Variants in HIGD1C observed in about 807,000 individuals in gnomAD.
HIGD1C encodes the protein HIG1 domain family member 1C.
HIGD1C carries 11 observed loss-of-function variants against 13.1 expected under a neutral mutation model. The observed-to-expected ratio is 0.84, with a 90% CI of 0.53 to 1.39. The LOEUF is 1.39. Ranked by LOEUF, HIGD1C falls within the 40% of genes most tolerant of loss-of-function variation. HIGD1C has a pLI of 0.00. For missense variants in HIGD1C, 110 were observed against 112.0 expected (o/e 0.98, Z 0.08); for synonymous variants, 36 against 37.7 (o/e 0.95, Z 0.17).
the HIGD1C span, among the ~76,000 whole-genome samples, chr12:50,948,876 GA>G: frequency 3.2e-4 from 5 of 15,692 alleles, no homozygotes; most frequent in African/African-American, 3.6e-4. Context: ...GGGGGGAGGG[GA>G]GGGGGAGGGG....
the HIGD1C span, among the ~76,000 whole-genome samples, chr12:50,933,894 A>ATCCAGTCAGATCATGCC: frequency 6.6e-6 from 1 of 152,204 alleles, no homozygotes; most frequent in Admixed American, 6.5e-5. Flanking sequence ...CCATGGCAGG[A>ATCCAGTCAGATCATGCC]TCCAGTCAGA....
At chr12:50,966,900 G>A (rs1939560839) in intron 2 of HIGD1C, among the ~76,000 whole-genome samples, 1 of 152,116 alleles carries the variant, frequency 6.6e-6, no homozygotes, top group African/African-American at 2.4e-5. Context: ...TAGATCATTT[G>A]AGGTCAGGAG....
downstream of HIGD1C, among the ~76,000 whole-genome samples, chr12:50,971,172 G>A (rs148192911): frequency 9.3e-3 from 1,392 of 149,914 alleles, 13 homozygotes; most frequent in Non-Finnish European, 0.014. Context: ...GAGCCACGGC[G>A]CCGAGCCACA....
At chr12:50,944,698 C>T in the HIGD1C span, among the ~76,000 whole-genome samples, 3 of 152,228 alleles carry the variant, frequency 2.0e-5, no homozygotes, top group Admixed American at 2.0e-4. Context: ...ACCAGCCTGG[C>T]CAACATGGTG....
intron 1 of HIGD1C, among the ~76,000 whole-genome samples, chr12:50,957,018 T>C (rs1008474775): frequency 3.9e-5 from 6 of 152,020 alleles, no homozygotes; most frequent in Non-Finnish European, 1.5e-5. Context: ...TTTATGTCTG[T>C]AGCACATTAG....
At chr12:50,946,722 C>A in the HIGD1C span, among the ~76,000 whole-genome samples, 1 of 152,106 alleles carries the variant, frequency 6.6e-6, no homozygotes, top group Non-Finnish European at 1.5e-5. Context: ...CCAGCCATCC[C>A]ATTACTGGGT....
chr12:50,944,765 C>G, the HIGD1C span, among the ~76,000 whole-genome samples: 1 of 152,144 alleles, frequency 6.6e-6, no homozygotes, highest in South Asian at 2.1e-4. Flanking sequence ...CGCACACCTG[C>G]AGTCCCAGCT....
intron 2 of HIGD1C, among the ~76,000 whole-genome samples, chr12:50,969,629 G>A (rs1411623240): frequency 6.6e-6 from 1 of 151,884 alleles, no homozygotes; most frequent in African/African-American, 2.4e-5. Context: ...AACCTGGGAA[G>A]CGGAGGTTGC....
chr12:50,944,933 T>C, the HIGD1C span, among the ~76,000 whole-genome samples: 1 of 152,186 alleles, frequency 6.6e-6, no homozygotes, highest in Admixed American at 6.5e-5. Flanking sequence ...TGGTTCAACA[T>C]ACACAAATCA....
chr12:50,945,032 A>G, the HIGD1C span, among the ~76,000 whole-genome samples: 1 of 152,186 alleles, frequency 6.6e-6, no homozygotes, highest in Non-Finnish European at 1.5e-5. Context: ...GACAAAATTC[A>G]ACAGCCCATC....
the HIGD1C span, among the ~76,000 whole-genome samples, chr12:50,943,001 G>T: frequency 3.3e-5 from 5 of 150,596 alleles, no homozygotes; most frequent in African/African-American, 1.2e-4. Flanking sequence ...AAGTAGCTGG[G>T]ATTACAGGTG....
intron 2 of HIGD1C, among the ~76,000 whole-genome samples, chr12:50,969,536 C>G (rs1287441021): frequency 6.6e-6 from 1 of 151,810 alleles, no homozygotes; most frequent in Non-Finnish European, 1.5e-5. Flanking sequence ...GCTGTCTGTA[C>G]TAAAAATACA....
chr12:50,949,836 T>C (rs1310261298), upstream of HIGD1C, among the ~76,000 whole-genome samples: 4 of 152,214 alleles, frequency 2.6e-5, no homozygotes, highest in East Asian at 7.7e-4. Flanking sequence ...CAACATAGCC[T>C]AGGTAGCAGA....
the HIGD1C span, among the ~76,000 whole-genome samples, chr12:50,933,946 T>C: frequency 6.6e-6 from 1 of 152,178 alleles, no homozygotes; most frequent in Non-Finnish European, 1.5e-5. Flanking sequence ...TCCAATCAGA[T>C]CATGCCTCAT....
At chr12:50,955,500 A>G (rs1420806425) in intron 1 of HIGD1C, among the ~76,000 whole-genome samples, 3 of 152,176 alleles carry the variant, frequency 2.0e-5, no homozygotes. Flanking sequence ...TTTTGTCTGG[A>G]AACTATTAAA....
upstream of HIGD1C, among the ~76,000 whole-genome samples, chr12:50,951,663 A>G (rs1938899299): frequency 6.6e-6 from 1 of 152,110 alleles, no homozygotes; most frequent in Non-Finnish European, 1.5e-5. Flanking sequence ...TCACACCTGT[A>G]ATTTCAGCAC....
chr12:50,960,914 A>G, intron 1 of HIGD1C, 54 bp from the exon 4 acceptor site: 1 of 1,353,260 alleles, frequency 7.4e-7, no homozygotes, highest in Non-Finnish European at 9.9e-7. Flanking sequence ...TCCTGGTCTC[A>G]CACGATGCTC....
At chr12:50,969,192 G>T (rs951080433) in intron 2 of HIGD1C, among the ~76,000 whole-genome samples, 2 of 152,092 alleles carry the variant, frequency 1.3e-5, no homozygotes, top group Non-Finnish European at 2.9e-5. Flanking sequence ...TACTAGGGGG[G>T]CTGAGACAGG....
At chr12:50,945,823 TCAAAC>T in the HIGD1C span, among the ~76,000 whole-genome samples, 1 of 152,102 alleles carries the variant, frequency 6.6e-6, no homozygotes, top group Non-Finnish European at 1.5e-5. Flanking sequence ...CTACCTGACT[TCAAAC>T]TATACTACAA....
Sources: gnomAD v4.1 joint callset for allele counts (sites outside exome capture counted in the v4.1 genomes callset) on GRCh38, gnomAD v4.1.1 for gene constraint, MANE v1.5 for transcripts, NCBI Gene and HGNC (gene_info 2026-07-23, HGNC 2026-07-21) for gene names.